Variants in TECTA observed in about 807,000 individuals in gnomAD.
TECTA encodes alpha-tectorin.
TECTA carries 128 observed loss-of-function variants against 216.8 expected under a neutral mutation model. The observed-to-expected ratio is 0.59, with a 90% CI of 0.51 to 0.68. The LOEUF (loss-of-function observed/expected upper bound fraction) is 0.68. Ranked by LOEUF, TECTA falls within the 30% of genes least tolerant of loss-of-function variation. The probability of loss-of-function intolerance (pLI) is 0.00; values close to 1 mark genes in which losing one functional copy is unlikely to be tolerated. For synonymous variants in TECTA, 1,089 were observed against 1,117.1 expected, an observed-to-expected ratio of 0.97 and a Z score of 0.50; for missense variants, 2,551 against 2,786.2, an observed-to-expected ratio of 0.92 and a Z score of 1.90.
At chr11:121,167,996 T>G in intron 18 of TECTA, 58 bp from the exon 19 acceptor site, 1 of 1,598,662 alleles carries the variant, frequency 6.3e-7, no homozygotes, top group South Asian at 1.1e-5. Flanking sequence ...GGATTTGATA[T>G]GCAAGCTACA....
chr11:121,181,648 T>TGTACCTG (rs1185041209), intron 20 of TECTA, among the ~76,000 whole-genome samples: 2 of 152,074 alleles, frequency 1.3e-5, no homozygotes, highest in African/African-American at 4.8e-5. Context: ...TTTTGTATTT[T>TGTACCTG]TAGTAGAGAC....
chr11:121,142,987 C>G (rs1270416631), intron 11 of TECTA, among the ~76,000 whole-genome samples: 3 of 152,218 alleles, frequency 2.0e-5, no homozygotes, highest in Non-Finnish European at 4.4e-5. Context: ...TCCAATCTCT[C>G]TCCTCCCCTT....
rs1317872774 is a variant in TECTA at position 121,126,744 on chromosome 11, T to C, written c.1774+872T>C. Among the ~76,000 whole-genome samples, 3 of 152,186 alleles carry C rather than the reference T, an allele frequency of 2.0e-5. No homozygotes were observed. The East Asian group carries it at 5.8e-4, about 29-fold the overall frequency. Reference sequence around the variant, plus strand: ...GTCACATAAACCATAATGTATCAGGTTCAATTCTTAAGAGTTTTGGTCAAA... The same window carrying C: ...GTCACATAAACCATAATGTATCAGGCTCAATTCTTAAGAGTTTTGGTCAAA... On this transcript the variant is annotated intron_variant, in intron 8 of 23. Transcript: ENST00000392793.
intron 9 of TECTA, among the ~76,000 whole-genome samples, chr11:121,129,337 G>A (rs572466738): frequency 4.6e-5 from 7 of 152,210 alleles, no homozygotes; most frequent in Admixed American, 1.3e-4. Flanking sequence ...GATGCCAGGC[G>A]GCAGGAGGGA....
chr11:121,169,466 T>G (rs1169349434), intron 20 of TECTA, among the ~76,000 whole-genome samples: 1 of 152,204 alleles, frequency 6.6e-6, no homozygotes, highest in Non-Finnish European at 1.5e-5. Flanking sequence ...AAGAAAAGAC[T>G]GTAGACCAAC....
At chr11:121,152,164 T>C (rs1423612925) in intron 12 of TECTA, among the ~76,000 whole-genome samples, 1 of 152,236 alleles carries the variant, frequency 6.6e-6, no homozygotes, top group African/African-American at 2.4e-5. Flanking sequence ...AGCATCTAGA[T>C]GCATTTGAAA....
intron 9 of TECTA, 40 bp from the exon 10 acceptor site, chr11:121,129,598 G>T: frequency 6.2e-7 from 1 of 1,600,596 alleles, no homozygotes; most frequent in Non-Finnish European, 8.6e-7. Flanking sequence ...AAAGTGCTCT[G>T]TGTGTCTCTG....
intron 11 of TECTA, among the ~76,000 whole-genome samples, chr11:121,144,520 G>A (rs1353531559): frequency 6.6e-6 from 1 of 152,108 alleles, no homozygotes; most frequent in East Asian, 1.9e-4. Flanking sequence ...CTCCCACAAG[G>A]CAAACCACCT....
chr11:121,150,513 A>G (rs1398091726), intron 12 of TECTA, among the ~76,000 whole-genome samples: 1 of 152,236 alleles, frequency 6.6e-6, no homozygotes, highest in African/African-American at 2.4e-5. Context: ...TAAAAATTTT[A>G]CATCTTTACA....
At chr11:121,178,671 C>T (rs1360347338) in intron 20 of TECTA, among the ~76,000 whole-genome samples, 3 of 151,928 alleles carry the variant, frequency 2.0e-5, no homozygotes, top group Non-Finnish European at 4.4e-5. Context: ...GTTTAGGAAG[C>T]ATTGGTATTA....
intron 7 of TECTA, among the ~76,000 whole-genome samples, chr11:121,122,878 T>A (rs1246929677): frequency 6.6e-6 from 1 of 151,096 alleles, no homozygotes; most frequent in Non-Finnish European, 1.5e-5. Flanking sequence ...TGGTAGCAGC[T>A]TTGGGTAATT....
intron 14 of TECTA, among the ~76,000 whole-genome samples, chr11:121,158,705 C>T (rs545502251): frequency 1.3e-5 from 2 of 152,202 alleles, no homozygotes; most frequent in Non-Finnish European, 2.9e-5. Flanking sequence ...CTCACACCCC[C>T]ATTATCCGAG....
In TECTA at chr11:121,168,771, G is replaced by C. The variant is rs761379295; in HGVS notation, c.5845G>C (p.Gly1949Arg). Residue 1949 changes from glycine to arginine, a missense_variant, in exon 20 of 24, where the codon GGT becomes CGT. Gly to Arg is a moderately radical substitution (Grantham distance 125). Transcript: ENST00000392793. ...NASYKHPYRQ[G>R]EVVLTTRDVL... is the part of the protein sequence containing the mutation. ...CTCCTACAAACATCCTTACCGCCAG[G>C]GTGAAGTAGTGTTGACGACTCGAGA... 1 of 1,614,170 alleles carries C rather than the reference G, an allele frequency of 6.2e-7. No homozygotes were observed. Among genetic ancestry groups the C allele is most frequent in the East Asian group, 2.2e-5 (1 of 44,890 alleles).
intron 2 of TECTA, among the ~76,000 whole-genome samples, chr11:121,103,556 C>T (rs1236324010): frequency 6.6e-6 from 1 of 151,936 alleles, no homozygotes; most frequent in Non-Finnish European, 1.5e-5. Flanking sequence ...TACCCCAGCT[C>T]CAAGAAAGTA....
At chr11:121,138,080 G>T in intron 11 of TECTA, 58 bp downstream of exon 11, 1 of 1,608,782 alleles carries the variant, frequency 6.2e-7, no homozygotes, top group East Asian at 2.2e-5. Flanking sequence ...GGATGGGGTC[G>T]GCAAGCCAGG....
At chr11:121,178,819 C>A (rs1947196779) in intron 20 of TECTA, among the ~76,000 whole-genome samples, 1 of 152,000 alleles carries the variant, frequency 6.6e-6, no homozygotes, top group Non-Finnish European at 1.5e-5. Context: ...CCTGATTCAA[C>A]CTTGGTAGGT....
Position 121,105,820 on chromosome 11 carries a change from T to G in TECTA, c.65-11T>G, listed in dbSNP as rs2135050112. On this transcript the variant is annotated splice_polypyrimidine_tract_variant and intron_variant, in intron 2 of 23. Transcript: ENST00000392793. The surrounding 1 kb of genome is among the most constrained non-coding windows in gnomAD (Gnocchi z 5.3). Reference sequence around the variant, plus strand: ...AGCTGCCATCTATCTAACCATCATCTCTCTTGACAGCTCAGCCCAGGGAGC... The same window carrying G: ...AGCTGCCATCTATCTAACCATCATCGCTCTTGACAGCTCAGCCCAGGGAGC... The G allele has an allele frequency of 6.2e-7, 1 of 1,613,992 alleles. No individual in the cohort carries two copies. The highest frequency in any genetic ancestry group is 1.7e-5 in the Admixed American group (1 of 60,016).
Position 121,118,550 on chromosome 11 carries a change from C to G in TECTA, c.1035C>G (p.Ala345=), listed in dbSNP as rs1302452710. 1 of 1,614,196 alleles carries G rather than the reference C, an allele frequency of 6.2e-7. No individual in the cohort carries two copies. The highest frequency in any genetic ancestry group is 1.7e-5 in the Admixed American group (1 of 60,026). ...GFLFHFQGSC[A]YLLARQCLQT... ...TCTTCCACTTCCAAGGCTCCTGTGC[C>G]TACTTGCTGGCCCGACAGTGTTTGC... Residue 345 remains alanine (A), a synonymous_variant, in exon 7 of 24, where the codon GCC becomes GCG. Coordinates refer to ENST00000392793, the MANE Select transcript of TECTA (RefSeq NM_005422.4).
Position 121,113,539 on chromosome 11 carries a change from C to T in TECTA, c.625-14C>T, listed in dbSNP as rs776629774. The T allele has an allele frequency of 1.4e-5, 23 of 1,613,972 alleles. No individual in the cohort carries two copies. The East Asian group carries it at 4.7e-4, about 33-fold the overall frequency. On this transcript the variant is annotated splice_polypyrimidine_tract_variant and intron_variant, in intron 5 of 23. Transcript: ENST00000392793. This position sits in a 1 kb window ranked among gnomAD's most constrained non-coding sequence, Gnocchi z 4.2. ...TTTTGTACTCAAAAATCTTGTCTTC[C>T]TTTTGTGCTGCAGGCAGGATTTAAT...
Sources: allele counts gnomAD v4.1 joint callset (sites outside exome capture counted in the v4.1 genomes callset), GRCh38; gene constraint gnomAD v4.1.1; non-coding constraint Gnocchi (gnomAD v3.1); transcripts MANE v1.5; gene names NCBI Gene and HGNC (gene_info 2026-07-23, HGNC 2026-07-21).